The following KAT14 variants were observed in gnomAD, a reference collection of about 807,000 sequenced individuals.
KAT14 encodes lysine acetyltransferase 14.
A neutral mutation model predicts 78.4 loss-of-function variants in KAT14; 66 were observed. That is an observed-to-expected ratio of 0.84 (90% CI 0.69 to 1.03). The LOEUF (loss-of-function observed/expected upper bound fraction) is 1.03, where lower values mean the gene tolerates loss of function less well. Among genes scored for constraint, KAT14 ranks in the 50% least tolerant of loss-of-function variants. The pLI, the probability that KAT14 is intolerant of heterozygous loss-of-function variation, is 0.00. For synonymous variants in KAT14, 344 were observed against 359.4 expected (o/e 0.96, Z 0.48); for missense variants, 870 against 972.5 (o/e 0.89, Z 1.40).
intron 7 of KAT14, among the ~76,000 whole-genome samples, chr20:18,173,224 A>G (rs1401859022): frequency 6.6e-6 from 1 of 152,132 alleles, no homozygotes. Context: ...CTGGAGGTGA[A>G]CCTTGTGGAG....
At chr20:18,146,930 T>G (rs1341518056) in intron 3 of KAT14, among the ~76,000 whole-genome samples, 7 of 152,282 alleles carry the variant, frequency 4.6e-5, no homozygotes, top group Admixed American at 6.5e-5. Flanking sequence ...ATGAACCAGG[T>G]GCTGTTCTAG....
chr20:18,143,131 C>G, intron 2 of KAT14: 1 of 1,297,528 alleles, frequency 7.7e-7, no homozygotes, highest in Non-Finnish European at 9.8e-7. Flanking sequence ...TAAATTAACA[C>G]TTTTGGTGGT....
At chr20:18,149,543 T>A (rs141708330) in intron 3 of KAT14, among the ~76,000 whole-genome samples, 2 of 152,330 alleles carry the variant, frequency 1.3e-5, no homozygotes, top group East Asian at 3.9e-4. Flanking sequence ...AGGGTCAGAA[T>A]TACTGGGCCC....
intron 1 of KAT14, among the ~76,000 whole-genome samples, chr20:18,140,783 A>C (rs1393539897): frequency 7.1e-6 from 1 of 139,966 alleles, no homozygotes; most frequent in East Asian, 2.3e-4. Flanking sequence ...TGGAGCCAAG[A>C]TCTCCAGCCT....
At chr20:18,169,841 G>A (rs1298515776) in intron 7 of KAT14, among the ~76,000 whole-genome samples, 2 of 152,230 alleles carry the variant, frequency 1.3e-5, no homozygotes, top group African/African-American at 4.8e-5. Context: ...AAAAGTTCTT[G>A]AAGGTCATTA....
At chr20:18,139,632 A>AGGTGTGTGTGTGTG (rs1203664163) in intron 1 of KAT14, among the ~76,000 whole-genome samples, 27 of 99,862 alleles carry the variant, frequency 2.7e-4, no homozygotes, top group Middle Eastern at 4.7e-3. Context: ...AACCAAAATA[A>AGGTGTGTGTGTGTG]CGTGTGTGTG....
intron 1 of KAT14, among the ~76,000 whole-genome samples, chr20:18,139,214 G>C (rs2037425663): frequency 6.6e-6 from 1 of 152,204 alleles, no homozygotes. Flanking sequence ...AGAGATCAGA[G>C]ATTTGGGATT....
intron 3 of KAT14, 100 bp from the exon 4 acceptor site, chr20:18,150,721 A>T: frequency 6.4e-7 from 1 of 1,554,512 alleles, no homozygotes; most frequent in Non-Finnish European, 8.7e-7. Flanking sequence ...GTTCCCCACC[A>T]TTCCTACTCA....
chr20:18,183,547 A>G (rs1448656055), intron 9 of KAT14: 3 of 984,746 alleles, frequency 3.0e-6, no homozygotes, highest in African/African-American at 3.5e-5. Context: ...TAAAAGATTC[A>G]TCCTGTTTTG....
chr20:18,159,044 G>A, intron 4 of KAT14, 40 bp from the exon 5 acceptor site: 1 of 1,573,584 alleles, frequency 6.4e-7, no homozygotes, highest in Non-Finnish European at 8.6e-7. Context: ...TGTATAATGA[G>A]CAAAAGTGCC....
rs367679639 is a variant in KAT14 at position 18,181,721 on chromosome 20, G to A, written c.1680G>A (p.Pro560=). Residue 560 remains proline, a synonymous_variant, in exon 8 of 11, where the codon CCG becomes CCA. Coordinates refer to ENST00000688188, the MANE Select transcript of KAT14 (RefSeq NM_001392073.1). ...RILDRYQTSL[P]SRKGFRHQTT... is the part of the protein sequence containing the mutation. ...TTTCTTTCTCATAGACTTCCTTGCC[G>A]TCCAGGAAGGGATTTCGACACCAGA... 8.7e-5 allele frequency: 140 copies of A among 1,614,064 alleles called. No individual in the cohort carries two copies. Among genetic ancestry groups the A allele is most frequent in the South Asian group, 5.1e-4 (46 of 91,072 alleles).
upstream of KAT14, among the ~76,000 whole-genome samples, chr20:18,137,227 T>G (rs1366547177): frequency 1.3e-5 from 2 of 151,964 alleles, no homozygotes; most frequent in African/African-American, 4.8e-5. Flanking sequence ...CCGGTAAGGT[T>G]GCAGTGAGCC....
intron 7 of KAT14, among the ~76,000 whole-genome samples, chr20:18,170,580 G>C (rs987574068): frequency 6.6e-6 from 1 of 152,208 alleles, no homozygotes; most frequent in East Asian, 1.9e-4. Flanking sequence ...TGTCGCCCAG[G>C]CTGGAGTGCA....
At chr20:18,168,363 A>G (rs1028481967) in intron 7 of KAT14, among the ~76,000 whole-genome samples, 6 of 152,120 alleles carry the variant, frequency 3.9e-5, no homozygotes, top group Non-Finnish European at 8.8e-5. Flanking sequence ...CCCCGTCTCT[A>G]CTAAAAATAA....
chr20:18,184,900 G>A, intron 10 of KAT14, 108 bp downstream of exon 10: 1 of 1,226,222 alleles, frequency 8.2e-7, no homozygotes, highest in Non-Finnish European at 1.1e-6. Flanking sequence ...CAATGGAATG[G>A]TTTCCTTGTA....
intron 5 of KAT14, 78 bp from the exon 6 acceptor site, chr20:18,161,745 A>T: frequency 6.6e-7 from 1 of 1,525,998 alleles, no homozygotes; most frequent in Admixed American, 2.2e-5. Context: ...AGCCGAAAAC[A>T]TCTGAAATCC....
intron 7 of KAT14, among the ~76,000 whole-genome samples, chr20:18,173,303 G>A (rs139420548): frequency 2.0e-5 from 3 of 152,212 alleles, no homozygotes; most frequent in African/African-American, 4.8e-5. Context: ...GGGCTTTCCC[G>A]CCTTGATGCT....
Position 18,162,044 on chromosome 20 carries a change from AT to A in KAT14, c.906del (p.Leu303TrpfsTer6). The A allele has an allele frequency of 1.9e-6, 3 of 1,614,210 alleles. No individual in the cohort carries two copies. The highest frequency in any genetic ancestry group is 2.5e-6 in the Non-Finnish European group (3 of 1,180,034). ...FISRGRRPDV[I>X]LEKGEVIDFS... is the part of the protein sequence containing the mutation. ...AAGCCGAGGCCGCAGGCCAGATGTGATTCTGGAAAAAGGCGAAGTGATTGAC... is the reference window on the plus strand; with the variant it reads ...AAGCCGAGGCCGCAGGCCAGATGTGATCTGGAAAAAGGCGAAGTGATTGAC... On this transcript the variant is annotated frameshift_variant, in exon 6 of 11. Transcript: ENST00000688188. LOFTEE classifies it high-confidence loss of function.
At chr20:18,181,152 A>AT in intron 7 of KAT14, among the ~76,000 whole-genome samples, 1 of 152,072 alleles carries the variant, frequency 6.6e-6, no homozygotes, top group East Asian at 1.9e-4. Context: ...GTTAAAAAAA[A>AT]TTTTTAAATG....
Sources: gnomAD v4.1 joint callset for allele counts (sites outside exome capture counted in the v4.1 genomes callset) on GRCh38, gnomAD v4.1.1 for gene constraint, MANE v1.5 for transcripts, NCBI Gene and HGNC (gene_info 2026-07-23, HGNC 2026-07-21) for gene names.